The following LRRC4C variants were observed in gnomAD, a reference collection of about 807,000 sequenced individuals.
LRRC4C encodes the protein leucine-rich repeat-containing protein 4C.
Under a neutral mutation model 33.6 loss-of-function variants are expected in LRRC4C, and 5 were observed. That is an observed-to-expected ratio of 0.15 (90% CI 0.08 to 0.31). The LOEUF (loss-of-function observed/expected upper bound fraction) is 0.31, where lower values mean the gene tolerates loss of function less well. LRRC4C is among the 10% of genes least tolerant of loss of function. LRRC4C has a pLI of 1.00. For missense variants in LRRC4C, 560 were observed against 796.7 expected (o/e 0.70, Z 3.58); for synonymous variants, 329 against 302.0 (o/e 1.09, Z -0.93).
intron 1 of LRRC4C, among the ~76,000 whole-genome samples, chr11:41,108,580 T>A (rs1941648733): frequency 6.6e-6 from 1 of 152,258 alleles, no homozygotes; most frequent in African/African-American, 2.4e-5. Flanking sequence ...GATATCTACT[T>A]GTCAAATATA....
chr11:40,836,611 A>C (rs2135590688), intron 2 of LRRC4C, among the ~76,000 whole-genome samples: 1 of 152,220 alleles, frequency 6.6e-6, no homozygotes, highest in African/African-American at 2.4e-5. Flanking sequence ...CAAGGAGAAA[A>C]GTCCTGTGTC....
At chr11:40,629,388 G>A (rs962183405) in intron 3 of LRRC4C, among the ~76,000 whole-genome samples, 1 of 151,996 alleles carries the variant, frequency 6.6e-6, no homozygotes, top group African/African-American at 2.4e-5. Context: ...TAGCATAATT[G>A]TCCAAACTGG....
chr11:40,638,630 TGGA>T (rs1941911758), intron 3 of LRRC4C, among the ~76,000 whole-genome samples: 1 of 152,168 alleles, frequency 6.6e-6, no homozygotes, highest in Non-Finnish European at 1.5e-5. Flanking sequence ...CTTAATTAAA[TGGA>T]GGAAGTTCTA....
intron 1 of LRRC4C, among the ~76,000 whole-genome samples, chr11:41,272,247 TG>T (rs1949345353): frequency 6.6e-6 from 1 of 151,916 alleles, no homozygotes; most frequent in Non-Finnish European, 1.5e-5. Context: ...GAAGTTGGGG[TG>T]GGGGAAGTGC....
At chr11:41,398,484 C>G (rs1953905003) in intron 1 of LRRC4C, among the ~76,000 whole-genome samples, 1 of 151,928 alleles carries the variant, frequency 6.6e-6, no homozygotes, top group Non-Finnish European at 1.5e-5. Context: ...TGCACTGTAA[C>G]ATTTTATTGC....
chr11:40,897,738 C>A (rs1956010879), intron 2 of LRRC4C, among the ~76,000 whole-genome samples: 1 of 152,166 alleles, frequency 6.6e-6, no homozygotes, highest in African/African-American at 2.4e-5. Flanking sequence ...ACATGAATCA[C>A]AACCGAAGTT....
intron 3 of LRRC4C, among the ~76,000 whole-genome samples, chr11:40,419,002 G>T (rs1950429401): frequency 6.6e-6 from 1 of 152,088 alleles, no homozygotes; most frequent in Admixed American, 6.6e-5. Flanking sequence ...GAGAGCATCA[G>T]GATAAATAGC....
intron 1 of LRRC4C, among the ~76,000 whole-genome samples, chr11:41,400,139 A>G (rs1953970659): frequency 6.6e-6 from 1 of 151,980 alleles, no homozygotes; most frequent in African/African-American, 2.4e-5. Flanking sequence ...CCCTAGTTCA[A>G]ATCTTTGGAC....
intron 4 of LRRC4C, among the ~76,000 whole-genome samples, chr11:40,261,258 T>C (rs1219194711): frequency 6.6e-6 from 1 of 152,090 alleles, no homozygotes; most frequent in African/African-American, 2.4e-5. Context: ...AAAACAAAAG[T>C]CGTTGATTTG....
intron 2 of LRRC4C, among the ~76,000 whole-genome samples, chr11:40,780,138 C>A (rs764990122): frequency 6.6e-6 from 1 of 152,052 alleles, no homozygotes; most frequent in African/African-American, 2.4e-5. Flanking sequence ...AGATACACAT[C>A]CATCATATTA....
chr11:40,238,721 A>G (rs934286382), intron 5 of LRRC4C, among the ~76,000 whole-genome samples: 1 of 152,148 alleles, frequency 6.6e-6, no homozygotes, highest in African/African-American at 2.4e-5. Context: ...TGTATAAAAG[A>G]GTTAATATAG....
At chr11:40,440,892 A>G (rs1951364121) in intron 3 of LRRC4C, among the ~76,000 whole-genome samples, 1 of 151,604 alleles carries the variant, frequency 6.6e-6, no homozygotes, top group Non-Finnish European at 1.5e-5. Context: ...TTAGTGCAGC[A>G]AATAGGTAAG....
intron 3 of LRRC4C, among the ~76,000 whole-genome samples, chr11:40,550,881 C>G (rs1180183451): frequency 6.6e-6 from 1 of 151,812 alleles, no homozygotes; most frequent in Non-Finnish European, 1.5e-5. Context: ...CAATGGATAT[C>G]TGTTTACAAA....
At chr11:40,867,248 T>A (rs1286670579) in intron 2 of LRRC4C, among the ~76,000 whole-genome samples, 1 of 152,148 alleles carries the variant, frequency 6.6e-6, no homozygotes, top group African/African-American at 2.4e-5. Flanking sequence ...ATCATTGTAC[T>A]CCATATATAT....
At chr11:41,282,120 G>A (rs1037088656) in intron 1 of LRRC4C, among the ~76,000 whole-genome samples, 3 of 152,192 alleles carry the variant, frequency 2.0e-5, no homozygotes, top group Non-Finnish European at 1.5e-5. Context: ...AGAGTAGAGC[G>A]ATTGTGAAAT....
At chr11:40,930,933 C>T (rs943915605) in intron 2 of LRRC4C, among the ~76,000 whole-genome samples, 1 of 152,166 alleles carries the variant, frequency 6.6e-6, no homozygotes, top group African/African-American at 2.4e-5. Context: ...GGCCCTCAAG[C>T]CACCAATCAG....
chr11:40,856,574 C>T (rs1953793098), intron 2 of LRRC4C, among the ~76,000 whole-genome samples: 1 of 152,202 alleles, frequency 6.6e-6, no homozygotes, highest in African/African-American at 2.4e-5. Context: ...CTTGTTTAAA[C>T]ATGTTCTCTT....
At chr11:41,382,710 G>T (rs1040492874) in intron 1 of LRRC4C, among the ~76,000 whole-genome samples, 11 of 152,030 alleles carry the variant, frequency 7.2e-5, no homozygotes, top group African/African-American at 2.7e-4. Context: ...TAGTGTTATG[G>T]ACTCATAAAA....
At chr11:40,591,228 G>A (rs1034492985) in intron 3 of LRRC4C, among the ~76,000 whole-genome samples, 5 of 152,154 alleles carry the variant, frequency 3.3e-5, no homozygotes, top group Non-Finnish European at 5.9e-5. Context: ...TCGGGTGGGA[G>A]CGACCCGATT....
Sources: allele counts gnomAD v4.1 joint callset (sites outside exome capture counted in the v4.1 genomes callset), GRCh38; gene constraint gnomAD v4.1.1; transcripts MANE v1.5; gene names NCBI Gene and HGNC (gene_info 2026-07-23, HGNC 2026-07-21).